Variants in LIPA observed in about 807,000 individuals in gnomAD.
LIPA encodes lipase A, lysosomal acid type.
A neutral mutation model predicts 40.6 loss-of-function variants in LIPA; 26 were observed. That is an observed-to-expected ratio of 0.64 (90% CI 0.47 to 0.89). The LOEUF (loss-of-function observed/expected upper bound fraction) is 0.89, where lower values mean the gene tolerates loss of function less well. LIPA is among the 40% of genes least tolerant of loss of function. The pLI is 0.00. For synonymous variants in LIPA, 188 were observed against 168.4 expected (o/e 1.12, Z -0.90); for missense variants, 455 against 479.6 (o/e 0.95, Z 0.48).
chr10:89,246,595 T>C (rs1040129780), intron 2 of LIPA, among the ~76,000 whole-genome samples: 5 of 152,174 alleles, frequency 3.3e-5, no homozygotes, highest in African/African-American at 1.2e-4. Context: ...TCTCTGCGAG[T>C]CCCTAAGCTT....
At chr10:89,414,444 A>G in exon 1 of LIPA, 1 of 274,892 alleles carries the variant, frequency 3.6e-6, no homozygotes, top group Non-Finnish European at 6.8e-6. Context: ...AAAGTGAAGG[A>G]GCCCAGCTGC....
intron 2 of LIPA, among the ~76,000 whole-genome samples, chr10:89,387,144 G>A (rs909575840): frequency 6.6e-6 from 1 of 151,866 alleles, no homozygotes; most frequent in Non-Finnish European, 1.5e-5. Context: ...GTGAAACCCC[G>A]CCTCTACTAA....
intron 2 of LIPA, chr10:89,392,510 C>A: frequency 4.0e-5 from 6 of 149,416 alleles, no homozygotes; most frequent in Non-Finnish European, 8.0e-5. Flanking sequence ...GCTTTAGTTT[C>A]ACTTTCCCCT....
At position 89,282,963 on chromosome 10, in the gene LIPA, A is replaced by G. The variant is rs1305783303; in HGVS notation, c.-1-35314T>C. Among the ~76,000 whole-genome samples the G allele has an allele frequency of 2.0e-5, 3 of 152,384 alleles. No individual in the cohort carries two copies. In the East Asian group the frequency reaches 5.8e-4, roughly 29 times the overall value. ...TCTCTTACTCATCTGTTAAATGGCC[A>G]TATTTCACATGAGTGTAAAATGGAG... On this transcript the variant is annotated intron_variant, in intron 1 of 5. Coordinates refer to the LIPA transcript ENST00000282673.
chr10:89,384,285 G>T (rs746811532), intron 2 of LIPA: 1 of 1,614,142 alleles, frequency 6.2e-7, no homozygotes, highest in East Asian at 2.2e-5. Context: ...TGGTTCAATT[G>T]GCTATATGCA....
intron 3 of LIPA, among the ~76,000 whole-genome samples, chr10:89,240,674 T>C (rs966571246): frequency 5.9e-5 from 9 of 152,164 alleles, no homozygotes; most frequent in Non-Finnish European, 8.8e-5. Context: ...AGCCAGAACT[T>C]ACACCCATGA....
At chr10:89,314,085 T>C (rs565574559) in intron 1 of LIPA, among the ~76,000 whole-genome samples, 1 of 152,360 alleles carries the variant, frequency 6.6e-6, no homozygotes, top group Non-Finnish European at 1.5e-5. Context: ...ATTTTTCTTT[T>C]GTTATCTATT....
intron 3 of LIPA, among the ~76,000 whole-genome samples, chr10:89,242,322 C>T (rs574734518): frequency 1.3e-5 from 2 of 152,334 alleles, no homozygotes; most frequent in African/African-American, 4.8e-5. Context: ...GTGAAAGGTA[C>T]AAATACCAGC....
At chr10:89,331,591 G>A (rs1843651124) in intron 1 of LIPA, among the ~76,000 whole-genome samples, 1 of 152,146 alleles carries the variant, frequency 6.6e-6, no homozygotes, top group African/African-American at 2.4e-5. Context: ...TGGCCGCAGT[G>A]GCTCACACCC....
At chr10:89,349,876 T>C (rs6586189) in intron 2 of LIPA, among the ~76,000 whole-genome samples, 10,500 of 152,086 alleles carry the variant, frequency 0.069, 912 homozygotes, top group African/African-American at 0.2. Flanking sequence ...GCAGGATGAG[T>C]TGTCTGCCCT....
At chr10:89,297,492 GT>G (rs1434631525) in intron 1 of LIPA, among the ~76,000 whole-genome samples, 1 of 152,166 alleles carries the variant, frequency 6.6e-6, no homozygotes, top group East Asian at 1.9e-4. Flanking sequence ...GTGGGCTACA[GT>G]GACACAGCAC....
At chr10:89,407,485 A>T (rs937473560) in intron 2 of LIPA, among the ~76,000 whole-genome samples, 2 of 152,214 alleles carry the variant, frequency 1.3e-5, no homozygotes, top group Non-Finnish European at 2.9e-5. Context: ...ATGGGGGACT[A>T]TCTGGAATTT....
At chr10:89,401,399 G>C (rs1473122702) in intron 2 of LIPA, among the ~76,000 whole-genome samples, 1 of 152,098 alleles carries the variant, frequency 6.6e-6, no homozygotes, top group Non-Finnish European at 1.5e-5. Flanking sequence ...GGGATTACAG[G>C]TGTGAGCCAC....
chr10:89,232,093 A>C (rs1157743054), intron 3 of LIPA, among the ~76,000 whole-genome samples: 2 of 152,194 alleles, frequency 1.3e-5, no homozygotes, highest in African/African-American at 4.8e-5. Context: ...TGTAAGTGAC[A>C]ATTATAATTA....
rs926403588 is a variant in LIPA at position 89,292,679 on chromosome 10, G to C, written c.-1-45030C>G. Among the ~76,000 whole-genome samples, 3 of 152,066 alleles carry C rather than the reference G, an allele frequency of 2.0e-5. No homozygotes were observed. The South Asian group carries it at 6.2e-4, about 32-fold the overall frequency. On this transcript the variant is annotated intron_variant, in intron 1 of 5. Transcript: ENST00000282673. ...ACATAATTCCTTTTTCTTTTTTAGAGACCTAGTCACGTTCTGTCACACAGG... is the reference window on the plus strand; with the variant it reads ...ACATAATTCCTTTTTCTTTTTTAGACACCTAGTCACGTTCTGTCACACAGG...
chr10:89,246,760 G>A (rs1375434371), intron 2 of LIPA, among the ~76,000 whole-genome samples: 1 of 152,064 alleles, frequency 6.6e-6, no homozygotes, highest in South Asian at 2.1e-4. Context: ...TTAATTAGTC[G>A]AGTGGTTATT....
At chr10:89,338,428 C>A in intron 1 of LIPA, 1 of 503,560 alleles carries the variant, frequency 2.0e-6, no homozygotes. Flanking sequence ...TTAAGGCCCT[C>A]AACAGAATGG....
At chr10:89,306,663 T>C (rs773217906) in intron 1 of LIPA, 7 of 1,613,984 alleles carry the variant, frequency 4.3e-6, no homozygotes, top group African/African-American at 2.7e-5. Flanking sequence ...GAGAAGTTAG[T>C]TGAAGAAGCC....
intron 1 of LIPA, among the ~76,000 whole-genome samples, chr10:89,318,951 T>C (rs1177223203): frequency 6.6e-6 from 1 of 152,184 alleles, no homozygotes; most frequent in Non-Finnish European, 1.5e-5. Flanking sequence ...AACAACGTGC[T>C]CCTGAATGAC....
Sources: allele counts gnomAD v4.1 joint callset (sites outside exome capture counted in the v4.1 genomes callset), GRCh38; gene constraint gnomAD v4.1.1; transcripts MANE v1.5; gene names NCBI Gene and HGNC (gene_info 2026-07-23, HGNC 2026-07-21).